Variants in PHLDB2 observed in about 807,000 individuals in gnomAD.
PHLDB2 encodes the protein pleckstrin homology like domain family B member 2, also known as pleckstrin homology-like domain family B member 2.
PHLDB2 carries 71 observed loss-of-function variants against 123.6 expected under a neutral mutation model. The ratio of observed to expected loss-of-function variants is 0.57; its 90% CI spans 0.47 to 0.70. PHLDB2 has a LOEUF of 0.70. PHLDB2 is among the 30% of genes least tolerant of loss of function. PHLDB2 has a pLI of 0.00. For missense variants in PHLDB2, 1,446 were observed against 1,519.5 expected, an observed-to-expected ratio of 0.95 and a Z score of 0.80; for synonymous variants, 547 against 541.6, an observed-to-expected ratio of 1.01 and a Z score of -0.14.
intron 1 of PHLDB2, among the ~76,000 whole-genome samples, chr3:111,839,800 G>A (rs990834443): frequency 7.2e-5 from 11 of 152,024 alleles, no homozygotes; most frequent in Non-Finnish European, 1.2e-4. Flanking sequence ...CTTTAGGACC[G>A]AGGTATAGAA....
chr3:111,962,832 G>T (rs1688900867), intron 13 of PHLDB2, among the ~76,000 whole-genome samples: 3 of 151,418 alleles, frequency 2.0e-5, no homozygotes. Context: ...AGGAGGCTGA[G>T]GCAGGAGAAT....
intron 10 of PHLDB2, 86 bp downstream of exon 10, chr3:111,949,161 G>A: frequency 1.4e-6 from 2 of 1,455,424 alleles, no homozygotes; most frequent in Admixed American, 1.9e-5. Context: ...AGGTCCACGA[G>A]AACGTGCATG....
At chr3:111,736,112 A>G (rs1241435505) in intron 1 of PHLDB2, among the ~76,000 whole-genome samples, 7 of 152,166 alleles carry the variant, frequency 4.6e-5, no homozygotes, top group Non-Finnish European at 8.8e-5. Context: ...CCTCTCCTCT[A>G]GAAAAGGAAC....
At chr3:111,763,862 T>C (rs1302540806) in intron 1 of PHLDB2, among the ~76,000 whole-genome samples, 2 of 152,162 alleles carry the variant, frequency 1.3e-5, no homozygotes, top group Admixed American at 6.5e-5. Flanking sequence ...GCCTTGATCT[T>C]AGACTTCCCA....
chr3:111,785,910 T>C (rs556161768), intron 1 of PHLDB2, among the ~76,000 whole-genome samples: 58 of 152,222 alleles, frequency 3.8e-4, no homozygotes, highest in African/African-American at 1.3e-3. Flanking sequence ...GACATGAAAA[T>C]TGTATTCATA....
chr3:111,764,229 C>T (rs115358614), intron 1 of PHLDB2, among the ~76,000 whole-genome samples: 22 of 152,308 alleles, frequency 1.4e-4, no homozygotes, highest in African/African-American at 4.3e-4. Flanking sequence ...AACTGTTGGT[C>T]AGCAGCCCAG....
intron 12 of PHLDB2, among the ~76,000 whole-genome samples, chr3:111,960,467 T>C (rs978061031): frequency 6.6e-6 from 1 of 152,240 alleles, no homozygotes; most frequent in African/African-American, 2.4e-5. Context: ...CACTTAAATA[T>C]CTAAAACCAC....
At chr3:111,941,594 G>A (rs1445315513) in intron 8 of PHLDB2, among the ~76,000 whole-genome samples, 1 of 152,116 alleles carries the variant, frequency 6.6e-6, no homozygotes, top group East Asian at 1.9e-4. Flanking sequence ...ATCACTTGAG[G>A]CCAGGAGTTC....
At chr3:111,882,507 A>G (rs2065978482) in intron 1 of PHLDB2, among the ~76,000 whole-genome samples, 1 of 152,252 alleles carries the variant, frequency 6.6e-6, no homozygotes, top group Non-Finnish European at 1.5e-5. Flanking sequence ...ACCAAGAGCT[A>G]GATGGCAGGA....
intron 1 of PHLDB2, among the ~76,000 whole-genome samples, chr3:111,789,929 C>T (rs2060844769): frequency 6.6e-6 from 1 of 152,158 alleles, no homozygotes; most frequent in South Asian, 2.1e-4. Context: ...TTGTGAAATC[C>T]ATGATCTTCA....
chr3:111,971,115 T>C (rs1196558211), intron 16 of PHLDB2, among the ~76,000 whole-genome samples: 1 of 152,198 alleles, frequency 6.6e-6, no homozygotes, highest in African/African-American at 2.4e-5. Flanking sequence ...CTTTTTGTCA[T>C]TGAGTTTTAT....
intron 8 of PHLDB2, among the ~76,000 whole-genome samples, chr3:111,942,036 T>C (rs1011688586): frequency 7.2e-5 from 11 of 152,150 alleles, no homozygotes; most frequent in African/African-American, 2.4e-4. Context: ...CACTACTATT[T>C]TACCTTTGGA....
chr3:111,896,926 C>T (rs971649750), intron 2 of PHLDB2, among the ~76,000 whole-genome samples: 2 of 152,100 alleles, frequency 1.3e-5, no homozygotes, highest in Admixed American at 6.6e-5. Flanking sequence ...AATCATAGGA[C>T]GTAATTCAAA....
At chr3:111,810,079 C>G (rs556691438) in intron 1 of PHLDB2, among the ~76,000 whole-genome samples, 1 of 152,190 alleles carries the variant, frequency 6.6e-6, no homozygotes, top group Non-Finnish European at 1.5e-5. Flanking sequence ...TTATGGTTAA[C>G]AATCCTAAGG....
intron 1 of PHLDB2, among the ~76,000 whole-genome samples, chr3:111,779,123 T>C (rs2060321258): frequency 6.6e-6 from 1 of 152,100 alleles, no homozygotes; most frequent in African/African-American, 2.4e-5. Flanking sequence ...CAAGTTCCCA[T>C]GTGATGTTGA....
chr3:111,805,743 C>G lies in PHLDB2; in HGVS notation c.-48-40078C>G, dbSNP rs2061553418. ...AAAGCAGGTCAGTGGTGCCTGGGGC[C>G]AGGGGTGGTGAGTGGGAGTGTTGAC... On this transcript the variant is annotated intron_variant, in intron 1 of 17. Transcript: ENST00000393923. Among the ~76,000 whole-genome samples the G allele has an allele frequency of 1.4e-5, 2 of 146,470 alleles. 1 individual carries two copies. Among genetic ancestry groups the G allele is most frequent in the Admixed American group, 1.4e-4 (2 of 14,462 alleles).
intron 1 of PHLDB2, among the ~76,000 whole-genome samples, chr3:111,789,414 A>G (rs2060820500): frequency 6.6e-6 from 1 of 152,186 alleles, no homozygotes; most frequent in Non-Finnish European, 1.5e-5. Context: ...AGTCAGGATT[A>G]TTTTAGAGGC....
At chr3:111,886,104 G>C (rs930884640) in intron 2 of PHLDB2, among the ~76,000 whole-genome samples, 3 of 152,200 alleles carry the variant, frequency 2.0e-5, no homozygotes, top group African/African-American at 7.2e-5. Context: ...ACAAACAACT[G>C]CATTTTTCCT....
chr3:111,969,565 G>A, intron 15 of PHLDB2, 125 bp from the exon 16 acceptor site: 2 of 703,362 alleles, frequency 2.8e-6, no homozygotes, highest in Non-Finnish European at 4.6e-6. Context: ...TTTATCTTAA[G>A]CTCTTTTAAT....
Sources: allele counts gnomAD v4.1 joint callset (sites outside exome capture counted in the v4.1 genomes callset), GRCh38; gene constraint gnomAD v4.1.1; transcripts MANE v1.5; gene names NCBI Gene and HGNC (gene_info 2026-07-23, HGNC 2026-07-21).